The following SPTBN1 variants were observed in gnomAD, a reference collection of about 807,000 sequenced individuals.
SPTBN1 encodes the protein spectrin beta chain, non-erythrocytic 1.
Under a neutral mutation model 266.4 loss-of-function variants are expected in SPTBN1, and 32 were observed. That is an observed-to-expected ratio of 0.12 (90% CI 0.09 to 0.16). SPTBN1 has a LOEUF of 0.16. SPTBN1 is among the 10% of genes least tolerant of loss of function. The pLI is 1.00. For missense variants in SPTBN1, 2,296 were observed against 3,067.1 expected, an observed-to-expected ratio of 0.75 and a Z score of 5.94; for synonymous variants, 1,336 against 1,162.2, an observed-to-expected ratio of 1.15 and a Z score of -3.04.
intron 1 of SPTBN1, among the ~76,000 whole-genome samples, chr2:54,467,446 G>A (rs1693693944): frequency 6.6e-6 from 1 of 152,198 alleles, no homozygotes. Flanking sequence ...CCAGGCTGGA[G>A]TGCGATGGCG....
At chr2:54,498,288 G>C (rs2104088638) in intron 1 of SPTBN1, among the ~76,000 whole-genome samples, 1 of 152,244 alleles carries the variant, frequency 6.6e-6, no homozygotes, top group African/African-American at 2.4e-5. Context: ...CATGTGTGTG[G>C]CTTCTGAGCA....
intron 1 of SPTBN1, among the ~76,000 whole-genome samples, chr2:54,464,235 C>T (rs182204625): frequency 1.1e-4 from 17 of 151,996 alleles, no homozygotes; most frequent in Admixed American, 7.9e-4. Flanking sequence ...AGTTTTTAAA[C>T]AAGGATTTTC....
At position 54,485,319 on chromosome 2, in the gene SPTBN1, TGCCTGCAATTGCAGGCAC is replaced by T. The variant is rs1469917686; in HGVS notation, c.-48+28804_-48+28821del. Reference sequence around the variant, plus strand: ...GATTCTCCTGCCTCAGCCTGCCGAGTGCCTGCAATTGCAGGCACGCGCCGCCACGCCTGACTGGTTTTC... The same window carrying T: ...GATTCTCCTGCCTCAGCCTGCCGAGTGCGCCGCCACGCCTGACTGGTTTTC... On this transcript the variant is annotated intron_variant, in intron 1 of 35. Coordinates refer to ENST00000356805, the MANE Select transcript of SPTBN1 (RefSeq NM_003128.3). Among the ~76,000 whole-genome samples, 9 of 148,100 alleles carry T rather than the reference TGCCTGCAATTGCAGGCAC, an allele frequency of 6.1e-5. No individual in the cohort carries two copies. The East Asian group carries it at 2.0e-3, about 32-fold the overall frequency.
intron 1 of SPTBN1, among the ~76,000 whole-genome samples, chr2:54,511,254 AC>A (rs1669843804): frequency 6.6e-6 from 1 of 152,190 alleles, no homozygotes; most frequent in Non-Finnish European, 1.5e-5. Context: ...ACTTTAACTG[AC>A]TTTTGTTACC....
chr2:54,656,596 G>A (rs1307797800), intron 29 of SPTBN1, among the ~76,000 whole-genome samples: 6 of 152,098 alleles, frequency 3.9e-5, no homozygotes, highest in African/African-American at 1.4e-4. Context: ...CACTAACAGC[G>A]CAATTCTAGC....
chr2:54,469,519 C>T (rs1028449535), intron 1 of SPTBN1, among the ~76,000 whole-genome samples: 2 of 152,166 alleles, frequency 1.3e-5, no homozygotes, highest in African/African-American at 4.8e-5. Flanking sequence ...TTGCAGGTGG[C>T]CAAAGCCCAT....
At chr2:54,465,555 C>T (rs1488449507) in intron 1 of SPTBN1, among the ~76,000 whole-genome samples, 1 of 149,776 alleles carries the variant, frequency 6.7e-6, no homozygotes, top group Admixed American at 6.7e-5. Context: ...TAATATTCTT[C>T]GTTTTTTGTA....
chr2:54,586,234 C>T (rs530317494), intron 2 of SPTBN1, among the ~76,000 whole-genome samples: 3 of 152,186 alleles, frequency 2.0e-5, no homozygotes, highest in East Asian at 1.9e-4. Flanking sequence ...GTTTGGCACT[C>T]GAATTGAGAC....
chr2:54,642,173 C>T (rs1382407676), intron 18 of SPTBN1, among the ~76,000 whole-genome samples: 2 of 152,156 alleles, frequency 1.3e-5, no homozygotes, highest in African/African-American at 4.8e-5. Flanking sequence ...GAGCCAGGGC[C>T]GATTCGGGAT....
At chr2:54,577,809 G>A (rs2104555040) in intron 2 of SPTBN1, among the ~76,000 whole-genome samples, 1 of 152,254 alleles carries the variant, frequency 6.6e-6, no homozygotes, top group South Asian at 2.1e-4. Flanking sequence ...TTTTTCACCT[G>A]GTGCTTTTGT....
At chr2:54,489,056 C>T (rs1668553921) in intron 1 of SPTBN1, among the ~76,000 whole-genome samples, 2 of 151,280 alleles carry the variant, frequency 1.3e-5, no homozygotes, top group African/African-American at 2.4e-5. Flanking sequence ...CATGGTAGCT[C>T]ATGCCTGTAA....
At chr2:54,568,024 C>T (rs1021361306) in intron 2 of SPTBN1, among the ~76,000 whole-genome samples, 3 of 152,166 alleles carry the variant, frequency 2.0e-5, no homozygotes, top group Admixed American at 2.0e-4. Flanking sequence ...TCCCCACAGA[C>T]CTCCTAAGTC....
chr2:54,598,098 G>A (rs1194374933), intron 2 of SPTBN1, among the ~76,000 whole-genome samples: 2 of 152,120 alleles, frequency 1.3e-5, no homozygotes, highest in Non-Finnish European at 2.9e-5. Context: ...ATTCTGCAGA[G>A]GCAAGAAGTT....
At chr2:54,661,938 A>T (rs1353447902) in intron 32 of SPTBN1, 2 of 985,292 alleles carry the variant, frequency 2.0e-6, no homozygotes, top group African/African-American at 3.5e-5. Context: ...TTTTAATTAC[A>T]ATTGGCTTGT....
chr2:54,641,460 C>T (rs1055408455), intron 18 of SPTBN1, among the ~76,000 whole-genome samples: 2 of 152,166 alleles, frequency 1.3e-5, no homozygotes, highest in Non-Finnish European at 2.9e-5. Flanking sequence ...ACTTCTTTTC[C>T]CCTAAGATTG....
intron 2 of SPTBN1, among the ~76,000 whole-genome samples, chr2:54,541,009 A>G (rs567720679): frequency 6.6e-6 from 1 of 152,350 alleles, no homozygotes; most frequent in South Asian, 2.1e-4. Flanking sequence ...CCTGTGGTTA[A>G]TAACAACAAA....
rs1210579619 is a variant in SPTBN1, at chr2:54,621,323, C to T, written c.764-77C>T. ...GAACTGTTCCATGTTGACCAGCAGT[C>T]GTTGCATTTGTTCCTGCTACCTGGG... is the stretch of plus-strand genomic sequence containing the variant. On this transcript the variant is annotated intron_variant, in intron 7 of 35. Coordinates refer to ENST00000356805, the MANE Select transcript of SPTBN1 (RefSeq NM_003128.3). 34 of 997,540 alleles carry T rather than the reference C, an allele frequency of 3.4e-5. No individual in the cohort carries two copies. The East Asian group carries it at 6.1e-4, about 18-fold the overall frequency. The allele number at this position is 997,540 out of a possible 1,614,324, so 61.8% of individuals were successfully genotyped here.
chr2:54,503,723 C>T (rs1335478421), intron 1 of SPTBN1, among the ~76,000 whole-genome samples: 2 of 152,112 alleles, frequency 1.3e-5, no homozygotes, highest in Non-Finnish European at 2.9e-5. Context: ...CAAAACCAAC[C>T]CACTTCTGGC....
At chr2:54,638,937 G>A (rs17344308) in intron 18 of SPTBN1, among the ~76,000 whole-genome samples, 5,938 of 152,300 alleles carry the variant, frequency 0.039, 149 homozygotes, top group Admixed American at 0.087. Flanking sequence ...CTTTGCATCC[G>A]TTAAACTGCT....
Sources: gnomAD v4.1 joint callset for allele counts (sites outside exome capture counted in the v4.1 genomes callset) on GRCh38, gnomAD v4.1.1 for gene constraint, MANE v1.5 for transcripts, NCBI Gene and HGNC (gene_info 2026-07-23, HGNC 2026-07-21) for gene names.